Variants in GABRA2 observed in about 807,000 individuals in gnomAD.
The protein encoded by GABRA2 is gamma-aminobutyric acid receptor subunit alpha-2.
Under a neutral mutation model 48.7 loss-of-function variants are expected in GABRA2, and 16 were observed. The observed-to-expected ratio is 0.33, with a 90% CI of 0.22 to 0.50. The LOEUF is 0.50. GABRA2 is among the 20% of genes least tolerant of loss of function. The probability of loss-of-function intolerance (pLI) is 0.98; values close to 1 mark genes in which losing one functional copy is unlikely to be tolerated. For synonymous variants in GABRA2, 185 were observed against 184.5 expected, an observed-to-expected ratio of 1.00 and a Z score of -0.02; for missense variants, 275 against 535.6, an observed-to-expected ratio of 0.51 and a Z score of 4.80.
intron 6 of GABRA2, 122 bp downstream of exon 6, chr4:46,310,051 A>C: frequency 3.1e-6 from 2 of 649,490 alleles, no homozygotes; most frequent in Non-Finnish European, 2.8e-6. Flanking sequence ...TTTTACTTCC[A>C]AGTCTTATTG....
chr4:46,288,386 G>A (rs1722958526), intron 8 of GABRA2, among the ~76,000 whole-genome samples: 1 of 152,094 alleles, frequency 6.6e-6, no homozygotes, highest in Non-Finnish European at 1.5e-5. Context: ...TTCAGAAATA[G>A]GATGATGTCA....
chr4:46,314,807 A>G (rs1728265232), intron 4 of GABRA2, among the ~76,000 whole-genome samples: 1 of 152,118 alleles, frequency 6.6e-6, no homozygotes, highest in South Asian at 2.1e-4. Flanking sequence ...GTTGCTGCAG[A>G]GCGCAAGATT....
intron 3 of GABRA2, among the ~76,000 whole-genome samples, chr4:46,381,610 T>C (rs1338310191): frequency 3.3e-5 from 5 of 152,180 alleles, no homozygotes; most frequent in Non-Finnish European, 4.4e-5. Context: ...TATGTCACAT[T>C]GCACTTTCTT....
At chr4:46,276,914 TA>T (rs1438542340) in intron 8 of GABRA2, among the ~76,000 whole-genome samples, 2 of 152,174 alleles carry the variant, frequency 1.3e-5, no homozygotes, top group Admixed American at 1.3e-4. Context: ...TATTGCTATA[TA>T]AATTTTAGTG....
At chr4:46,271,757 C>T (rs1473257263) in intron 8 of GABRA2, among the ~76,000 whole-genome samples, 1 of 151,856 alleles carries the variant, frequency 6.6e-6, no homozygotes, top group Admixed American at 6.6e-5. Context: ...AAATATATCA[C>T]GGATTTAATT....
chr4:46,281,210 T>G (rs530842216), intron 8 of GABRA2, among the ~76,000 whole-genome samples: 1 of 152,154 alleles, frequency 6.6e-6, no homozygotes, highest in African/African-American at 2.4e-5. Context: ...AGTTTGTCTA[T>G]TGGACATACA....
In GABRA2 at chr4:46,362,168, G is replaced by T. The variant is rs115496455; in HGVS notation, c.187+23906C>A. Among the ~76,000 whole-genome samples, 842 of 152,274 alleles carry T rather than the reference G, an allele frequency of 5.5e-3. 7 individuals are homozygous for T. Among genetic ancestry groups the T allele is most frequent in the Non-Finnish European group, 9.7e-3 (657 of 68,000 alleles). On this transcript the variant is annotated intron_variant, in intron 3 of 9. Coordinates refer to ENST00000381620, the MANE Select transcript of GABRA2 (RefSeq NM_000807.4). ...GATTTGGGAGGGGCTGGGGTGGAAT[G>T]ACATGGTTTGGCTGTATAGGAGGAA...
chr4:46,307,972 G>C (rs1726994816), intron 6 of GABRA2, among the ~76,000 whole-genome samples: 1 of 152,080 alleles, frequency 6.6e-6, no homozygotes, highest in Non-Finnish European at 1.5e-5. Context: ...AGGAGAGAAA[G>C]TTTTACAAAA....
intron 3 of GABRA2, 64 bp from the exon 4 acceptor site, chr4:46,332,746 T>G (rs567901952): frequency 1.0e-6 from 1 of 974,306 alleles, no homozygotes; most frequent in African/African-American, 1.6e-5. Flanking sequence ...GAGAGAAGGG[T>G]TTGAGTACAC....
At chr4:46,302,876 G>A (rs1342766678) in intron 8 of GABRA2, among the ~76,000 whole-genome samples, 1 of 152,008 alleles carries the variant, frequency 6.6e-6, no homozygotes, top group Non-Finnish European at 1.5e-5. Context: ...TTCTTGGGAG[G>A]TACCTATTCA....
rs1718179929 is a variant in GABRA2 at position 46,266,187 on chromosome 4, T to C, written c.857-4059A>G. On this transcript the variant is annotated intron_variant, in intron 8 of 9. Coordinates refer to ENST00000381620, the MANE Select transcript of GABRA2 (RefSeq NM_000807.4). ...CTAGTTGGCGTATTCTCTATTCAAG[T>C]CTTCTACATTTTGCTGATCTTCTGT... is the stretch of plus-strand genomic sequence containing the variant. Among the ~76,000 whole-genome samples the C allele has an allele frequency of 1.3e-5, 2 of 151,360 alleles. 1 individual carries two copies. The highest frequency in any genetic ancestry group is 1.3e-4 in the Admixed American group (2 of 15,164).
chr4:46,363,153 A>G (rs1464781945), intron 3 of GABRA2, among the ~76,000 whole-genome samples: 2 of 152,152 alleles, frequency 1.3e-5, no homozygotes, highest in African/African-American at 2.4e-5. Flanking sequence ...TTATGCATAC[A>G]TGAGACATGG....
At chr4:46,306,192 G>A (rs1560505361) in intron 6 of GABRA2, among the ~76,000 whole-genome samples, 2 of 152,262 alleles carry the variant, frequency 1.3e-5, no homozygotes, top group South Asian at 2.1e-4. Context: ...CATTTCATTA[G>A]AATAAAAAGT....
intron 8 of GABRA2, among the ~76,000 whole-genome samples, chr4:46,274,051 G>A (rs907275538): frequency 1.4e-4 from 22 of 152,076 alleles, no homozygotes; most frequent in African/African-American, 5.3e-4. Flanking sequence ...GACACACCCA[G>A]CTTGAATCTG....
intron 4 of GABRA2, among the ~76,000 whole-genome samples, chr4:46,327,750 G>T (rs1281781603): frequency 6.6e-6 from 1 of 152,022 alleles, no homozygotes; most frequent in Non-Finnish European, 1.5e-5. Flanking sequence ...AGGAAGAAAA[G>T]TATTAACTGG....
intron 3 of GABRA2, among the ~76,000 whole-genome samples, chr4:46,338,029 G>T (rs987381942): frequency 6.6e-6 from 1 of 151,804 alleles, no homozygotes; most frequent in Non-Finnish European, 1.5e-5. Context: ...ATGATTGATG[G>T]ACATTTGATA....
At chr4:46,284,121 TA>T (rs1722073501) in intron 8 of GABRA2, among the ~76,000 whole-genome samples, 1 of 151,890 alleles carries the variant, frequency 6.6e-6, no homozygotes, top group East Asian at 1.9e-4. Flanking sequence ...AATATAATAT[TA>T]AGAAAAAATA....
At chr4:46,289,915 T>TTATTTATTTATTTTTAA (rs1560482762) in intron 8 of GABRA2, among the ~76,000 whole-genome samples, 6 of 125,140 alleles carry the variant, frequency 4.8e-5, no homozygotes, top group African/African-American at 2.7e-4. Flanking sequence ...TTATTTTTAT[T>TTATTTATTTATTTTTAA]TTTTTTTTTT....
At chr4:46,307,723 G>A (rs1206776749) in intron 6 of GABRA2, among the ~76,000 whole-genome samples, 1 of 152,088 alleles carries the variant, frequency 6.6e-6, no homozygotes, top group Non-Finnish European at 1.5e-5. Flanking sequence ...GAAATCTAGA[G>A]AAAAGCTCAA....
Sources: allele counts gnomAD v4.1 joint callset (sites outside exome capture counted in the v4.1 genomes callset), GRCh38; gene constraint gnomAD v4.1.1; transcripts MANE v1.5; gene names NCBI Gene and HGNC (gene_info 2026-07-23, HGNC 2026-07-21).